The following KCNH7 variants were observed in gnomAD, a reference collection of about 807,000 sequenced individuals.
KCNH7 encodes potassium voltage-gated channel subfamily H member 7.
Under a neutral mutation model 120.8 loss-of-function variants are expected in KCNH7, and 49 were observed. The ratio of observed to expected loss-of-function variants is 0.41; its 90% CI spans 0.32 to 0.51. The LOEUF (loss-of-function observed/expected upper bound fraction) is 0.51. Among genes scored for constraint, KCNH7 ranks in the 20% least tolerant of loss-of-function variants. The pLI, the probability that KCNH7 is intolerant of heterozygous loss-of-function variation, is 0.38. For synonymous variants in KCNH7, 547 were observed against 516.1 expected (o/e 1.06, Z -0.81); for missense variants, 1,097 against 1,446.6 (o/e 0.76, Z 3.92).
chr2:162,753,032 C>CGAACAA (rs1688657434), intron 2 of KCNH7, among the ~76,000 whole-genome samples: 1 of 15,382 alleles, frequency 6.5e-5, no homozygotes, highest in East Asian at 1.0e-3. Flanking sequence ...AGAAAAGAAA[C>CGAACAA]CCTGACTAAT....
chr2:162,577,583 G>A (rs1693731446), intron 2 of KCNH7, among the ~76,000 whole-genome samples: 1 of 151,886 alleles, frequency 6.6e-6, no homozygotes, highest in Non-Finnish European at 1.5e-5. Flanking sequence ...CCATTCCTAT[G>A]ATTTTCTTCT....
chr2:162,765,878 G>A (rs1034053306), intron 2 of KCNH7, among the ~76,000 whole-genome samples: 1 of 152,034 alleles, frequency 6.6e-6, no homozygotes, highest in African/African-American at 2.4e-5. Flanking sequence ...TCCGGCCTCA[G>A]CCTCCCAAGT....
Position 162,404,242 on chromosome 2 carries a change from C to A in KCNH7, c.2155-3801G>T, listed in dbSNP as rs983492930. 1.7e-4 allele frequency among the ~76,000 whole-genome samples: 26 copies of A among 152,050 alleles called. 1 individual carries two copies. The highest frequency in any genetic ancestry group is 6.8e-3 in the Middle Eastern group (2 of 294). On this transcript the variant is annotated intron_variant, in intron 9 of 15. Coordinates refer to ENST00000332142, the MANE Select transcript of KCNH7 (RefSeq NM_033272.4). ...GTCCATGCTTGAAGTTTTGAAGGAA[C>A]ATATCACCTTCCACTGTGTATTTGA...
At chr2:162,486,806 TA>T (rs1375540053) in intron 6 of KCNH7, among the ~76,000 whole-genome samples, 7 of 152,194 alleles carry the variant, frequency 4.6e-5, no homozygotes, top group Non-Finnish European at 1.0e-4. Context: ...CAAACATAAT[TA>T]AAAATGGGTT....
chr2:162,802,420 C>T (rs1482297022), intron 2 of KCNH7, among the ~76,000 whole-genome samples: 1 of 151,558 alleles, frequency 6.6e-6, no homozygotes, highest in African/African-American at 2.4e-5. Flanking sequence ...TAAACTTCTG[C>T]CAAAAGCTAC....
chr2:162,661,367 G>C (rs1462300532), intron 2 of KCNH7, among the ~76,000 whole-genome samples: 2 of 152,044 alleles, frequency 1.3e-5, no homozygotes, highest in African/African-American at 2.4e-5. Context: ...AAGAAAGAAA[G>C]TTTATAAAAG....
intron 2 of KCNH7, among the ~76,000 whole-genome samples, chr2:162,817,450 TA>T (rs1684956791): frequency 6.6e-6 from 1 of 152,150 alleles, no homozygotes; most frequent in Admixed American, 6.5e-5. Context: ...CAACTTAATT[TA>T]TCTATTAACC....
At chr2:162,496,872 T>G (rs1029540157) in intron 6 of KCNH7, 1 of 152,190 alleles carries the variant, frequency 6.6e-6, no homozygotes, top group Non-Finnish European at 1.5e-5. Context: ...ATTGAAGAAA[T>G]TCAGGACTAA....
At chr2:162,458,308 T>G (rs774061162) in intron 6 of KCNH7, among the ~76,000 whole-genome samples, 9 of 152,298 alleles carry the variant, frequency 5.9e-5, no homozygotes, top group Non-Finnish European at 1.3e-4. Flanking sequence ...CTTAAACAAT[T>G]ATAATATTTA....
At chr2:162,680,718 G>T (rs1049519078) in intron 2 of KCNH7, among the ~76,000 whole-genome samples, 1 of 151,666 alleles carries the variant, frequency 6.6e-6, no homozygotes, top group Non-Finnish European at 1.5e-5. Context: ...TCACTTATTG[G>T]CTGTGCGGGT....
rs181049865 is a variant in KCNH7, at chr2:162,573,111, A to G, written c.308-36031T>C. On this transcript the variant is annotated intron_variant, in intron 2 of 15. Transcript: ENST00000332142. ...TATGGCCTAATAATTTTTATACTTG[A>G]TCTCAATATACCCTGAAATGAATTC... is the stretch of plus-strand genomic sequence containing the variant. 5.4e-4 allele frequency among the ~76,000 whole-genome samples: 82 copies of G among 152,206 alleles called. 2 individuals carry two copies. The highest frequency in any genetic ancestry group is 1.9e-3 in the African/African-American group (77 of 41,572).
At chr2:162,454,309 T>C (rs1332889451) in intron 6 of KCNH7, among the ~76,000 whole-genome samples, 2 of 152,182 alleles carry the variant, frequency 1.3e-5, no homozygotes, top group Non-Finnish European at 2.9e-5. Context: ...CATTGGTCTG[T>C]ATATCTGTTT....
At chr2:162,415,026 A>C (rs1687498899) in intron 9 of KCNH7, among the ~76,000 whole-genome samples, 1 of 152,086 alleles carries the variant, frequency 6.6e-6, no homozygotes, top group African/African-American at 2.4e-5. Context: ...TGGATACCAT[A>C]AATCATGCCG....
chr2:162,594,729 A>G (rs1229665366), intron 2 of KCNH7, among the ~76,000 whole-genome samples: 1 of 152,056 alleles, frequency 6.6e-6, no homozygotes, highest in East Asian at 1.9e-4. Flanking sequence ...AACAATTTAC[A>G]TAGTATTTAC....
chr2:162,445,243 A>C (rs946380874), intron 7 of KCNH7, among the ~76,000 whole-genome samples: 5 of 152,138 alleles, frequency 3.3e-5, no homozygotes, highest in African/African-American at 1.2e-4. Flanking sequence ...CAGGGTTCTT[A>C]TGTAGAAAAA....
chr2:162,444,470 G>A (rs1326152388), intron 7 of KCNH7, among the ~76,000 whole-genome samples: 2 of 152,034 alleles, frequency 1.3e-5, no homozygotes, highest in Non-Finnish European at 2.9e-5. Context: ...ATAATTTCCT[G>A]TGGTTACTTC....
chr2:162,492,398 G>A (rs957802346), intron 6 of KCNH7, among the ~76,000 whole-genome samples: 1 of 152,130 alleles, frequency 6.6e-6, no homozygotes, highest in Non-Finnish European at 1.5e-5. Context: ...TTGTAACCAC[G>A]TGGCAGTACT....
chr2:162,805,476 GA>G (rs1345518179), intron 2 of KCNH7, among the ~76,000 whole-genome samples: 1 of 151,964 alleles, frequency 6.6e-6, no homozygotes, highest in Non-Finnish European at 1.5e-5. Context: ...ACAAACATAT[GA>G]AAAAATGCTC....
At chr2:162,607,220 CAAAAAAAAAA>C (rs34786286) in intron 2 of KCNH7, among the ~76,000 whole-genome samples, 1 of 111,970 alleles carries the variant, frequency 8.9e-6, no homozygotes, top group African/African-American at 3.0e-5. Context: ...ACTAAAAATA[CAAAAAAAAAA>C]AAAAAAAAAA....
Sources: gnomAD v4.1 joint callset for allele counts (sites outside exome capture counted in the v4.1 genomes callset) on GRCh38, gnomAD v4.1.1 for gene constraint, MANE v1.5 for transcripts, NCBI Gene and HGNC (gene_info 2026-07-23, HGNC 2026-07-21) for gene names.